Variants in SGO2 observed in about 807,000 individuals in gnomAD.
The protein encoded by SGO2 is shugoshin-like 2.
In SGO2, 68 loss-of-function variants were observed where a neutral mutation model predicts 99.5. The observed-to-expected ratio is 0.68, with a 90% CI of 0.56 to 0.84. The LOEUF (loss-of-function observed/expected upper bound fraction) is 0.84. Among genes scored for constraint, SGO2 ranks in the 40% least tolerant of loss-of-function variants. The pLI, the probability that SGO2 is intolerant of heterozygous loss-of-function variation, is 0.00. For synonymous variants in SGO2, 457 were observed against 487.1 expected (o/e 0.94, Z 0.81); for missense variants, 1,350 against 1,436.7 (o/e 0.94, Z 0.97).
At chr2:200,575,861 C>T (rs1343542826) in intron 8 of SGO2, among the ~76,000 whole-genome samples, 1 of 152,130 alleles carries the variant, frequency 6.6e-6, no homozygotes, top group East Asian at 1.9e-4. Flanking sequence ...GAATAACAGT[C>T]CTTTCTCTTT....
intron 5 of SGO2, among the ~76,000 whole-genome samples, chr2:200,556,788 C>G (rs1020467954): frequency 2.0e-5 from 3 of 151,960 alleles, no homozygotes; most frequent in Non-Finnish European, 4.4e-5. Context: ...ATTTTTAGAG[C>G]TAACTATGAT....
chr2:200,560,753 C>G (rs1410375100), intron 5 of SGO2, among the ~76,000 whole-genome samples: 1 of 152,026 alleles, frequency 6.6e-6, no homozygotes, highest in African/African-American at 2.4e-5. Flanking sequence ...TGGGTTTTGA[C>G]AAGGGTTATG....
chr2:200,564,364 A>G (rs1156371723), intron 5 of SGO2, among the ~76,000 whole-genome samples: 2 of 152,142 alleles, frequency 1.3e-5, no homozygotes, highest in Non-Finnish European at 1.5e-5. Flanking sequence ...CATGTAGTTG[A>G]GCAGTTTTGA....
intron 5 of SGO2, among the ~76,000 whole-genome samples, chr2:200,564,460 T>A (rs2033104343): frequency 6.6e-6 from 1 of 152,236 alleles, no homozygotes; most frequent in African/African-American, 2.4e-5. Flanking sequence ...TTACATTTGC[T>A]GAGGAGTGCT....
At chr2:200,559,901 A>G (rs1411366704) in intron 5 of SGO2, among the ~76,000 whole-genome samples, 2 of 152,156 alleles carry the variant, frequency 1.3e-5, no homozygotes, top group Admixed American at 1.3e-4. Context: ...ATTAGGGACT[A>G]TAGTTAAAAT....
chr2:200,544,905 T>C (rs1330488487), intron 5 of SGO2, among the ~76,000 whole-genome samples: 2 of 152,232 alleles, frequency 1.3e-5, no homozygotes, highest in African/African-American at 4.8e-5. Flanking sequence ...TATCATTTTG[T>C]GGTTTTATTT....
intron 5 of SGO2, among the ~76,000 whole-genome samples, chr2:200,554,430 A>G (rs1414116871): frequency 6.6e-6 from 1 of 152,214 alleles, no homozygotes; most frequent in Non-Finnish European, 1.5e-5. Context: ...CAAAGTTACT[A>G]GAAACTTGCA....
chr2:200,569,593 T>A, intron 5 of SGO2, 70 bp from the exon 6 acceptor site: 1 of 1,122,962 alleles, frequency 8.9e-7, no homozygotes, highest in Non-Finnish European at 1.3e-6. Flanking sequence ...AATATAGAAA[T>A]AACTGCCCAT....
chr2:200,579,893 T>C (rs1431810873), intron 8 of SGO2, among the ~76,000 whole-genome samples: 1 of 152,202 alleles, frequency 6.6e-6, no homozygotes, highest in Admixed American at 6.5e-5. Flanking sequence ...CTTGGTTCCT[T>C]TAATGAAATA....
intron 5 of SGO2, among the ~76,000 whole-genome samples, chr2:200,565,940 T>A (rs548632171): frequency 6.6e-6 from 1 of 152,240 alleles, no homozygotes; most frequent in South Asian, 2.1e-4. Context: ...TTCTCTATGC[T>A]GTTTATTCTA....
At chr2:200,536,936 G>C (rs1257655698) in intron 4 of SGO2, among the ~76,000 whole-genome samples, 1 of 151,938 alleles carries the variant, frequency 6.6e-6, no homozygotes. Flanking sequence ...GCAGGTGATT[G>C]CTTTCATCTA....
intron 5 of SGO2, among the ~76,000 whole-genome samples, chr2:200,544,589 C>A (rs965441989): frequency 6.6e-6 from 1 of 152,118 alleles, no homozygotes; most frequent in Non-Finnish European, 1.5e-5. Context: ...ACTTGGTTTT[C>A]TAGTTTTGGT....
rs576034618 is a variant in SGO2, at chr2:200,567,700, C to A, written c.474-1963C>A. On this transcript the variant is annotated intron_variant, in intron 5 of 8. Coordinates refer to ENST00000357799, the MANE Select transcript of SGO2 (RefSeq NM_152524.6). ...TTTGGATATTTCATATGAATGGAAT[C>A]ATAAAATATGTGGCCTTTTGTGTCT... 2.6e-5 allele frequency among the ~76,000 whole-genome samples: 4 copies of A among 152,160 alleles called. No individual in the cohort carries two copies. In the South Asian group the frequency reaches 6.2e-4, roughly 24 times the overall value.
chr2:200,534,462 T>C (rs2031589731), intron 2 of SGO2, among the ~76,000 whole-genome samples: 1 of 152,206 alleles, frequency 6.6e-6, no homozygotes, highest in African/African-American at 2.4e-5. Context: ...TTAGATTATC[T>C]ATCTAACATT....
chr2:200,574,246 C>T (rs1165514667), intron 7 of SGO2, among the ~76,000 whole-genome samples: 1 of 151,948 alleles, frequency 6.6e-6, no homozygotes, highest in Non-Finnish European at 1.5e-5. Context: ...AGACCATAGG[C>T]AAATAATTTG....
Position 200,575,473 on chromosome 2 carries a change from A to C in SGO2, c.3782+12A>C. On this transcript the variant is annotated intron_variant, in intron 8 of 8. Transcript: ENST00000357799. ...CCAAGCCTCAGAGAGTAAGTATTTC[A>C]AATGATTTTAGTATGCCATTATAAA... is the stretch of plus-strand genomic sequence containing the variant. 1 of 1,533,986 alleles carries C rather than the reference A, an allele frequency of 6.5e-7. No homozygotes were observed. The highest frequency in any genetic ancestry group is 1.4e-5 in the African/African-American group (1 of 72,722).
At position 200,573,664 on chromosome 2, in the gene SGO2, GTC is replaced by G. The variant is rs760681510; in HGVS notation, c.3320_3321del (p.Ser1107TyrfsTer4). 1.1e-5 allele frequency: 18 copies of G among 1,613,352 alleles called. No homozygotes were observed. The highest frequency in any genetic ancestry group is 1.7e-5 in the Admixed American group (1 of 59,980). On this transcript the variant is annotated frameshift_variant, in exon 7 of 9. Transcript: ENST00000357799. LOFTEE classifies it high-confidence loss of function. ...GAATACTTGACAGCGTTCAGGGAAA[GTC>G]TACTGTATCTGAACAAGCTGATAAG... ...ERILDSVQGK[S>X]TVSEQADKEN...
At chr2:200,576,117 G>T (rs1385544274) in intron 8 of SGO2, 1 of 381,260 alleles carries the variant, frequency 2.6e-6, no homozygotes, top group East Asian at 9.0e-5. Flanking sequence ...TAACAAAAAA[G>T]AATGATTCTC....
Position 200,536,146 on chromosome 2 carries a change from A to G in SGO2, c.387+4A>G. On this transcript the variant is annotated splice_donor_region_variant and intron_variant, in intron 4 of 8. Transcript: ENST00000357799. ...TGAAATGAGCAGTCTTTCTGAGGTA[A>G]GTAGAATTTATATGTAAATAGTGTT... is the stretch of plus-strand genomic sequence containing the variant. 6.4e-7 allele frequency: 1 copy of G among 1,568,762 alleles called. No homozygotes were observed.
Sources: allele counts gnomAD v4.1 joint callset (sites outside exome capture counted in the v4.1 genomes callset), GRCh38; gene constraint gnomAD v4.1.1; transcripts MANE v1.5; gene names NCBI Gene and HGNC (gene_info 2026-07-23, HGNC 2026-07-21).